ANKRD33B: variants seen among roughly 807,000 people sequenced by gnomAD.
ANKRD33B encodes ankyrin repeat domain-containing protein 33B.
In ANKRD33B, 6 loss-of-function variants were observed where a neutral mutation model predicts 21.5. The ratio of observed to expected loss-of-function variants is 0.28; its 90% CI spans 0.15 to 0.55. ANKRD33B has a LOEUF of 0.55. Among genes scored for constraint, ANKRD33B ranks in the 20% least tolerant of loss-of-function variants. The pLI is 0.94. For missense variants in ANKRD33B, 698 were observed against 747.2 expected (o/e 0.93, Z 0.77); for synonymous variants, 347 against 342.4 (o/e 1.01, Z -0.15).
At chr5:10,600,636 T>C (rs1162824917) in intron 1 of ANKRD33B, among the ~76,000 whole-genome samples, 4 of 152,256 alleles carry the variant, frequency 2.6e-5, no homozygotes, top group Non-Finnish European at 5.9e-5. Context: ...CTTGTATACA[T>C]CTTCATGTGG....
At chr5:10,589,053 C>T (rs1735627608) in intron 1 of ANKRD33B, among the ~76,000 whole-genome samples, 1 of 152,110 alleles carries the variant, frequency 6.6e-6, no homozygotes, top group South Asian at 2.1e-4. Flanking sequence ...GACCCCATAC[C>T]CTGAGCTGCT....
rs192267685 is a variant in ANKRD33B, at chr5:10,642,927, C to T, written c.637+4759C>T. ...TGCTTTGTTTTGTTTTGTTTTGAGA[C>T]GGAGTCTCACTCTGTCGCCCAGAGT... On this transcript the variant is annotated intron_variant, in intron 3 of 3. Coordinates refer to ENST00000296657, the MANE Select transcript of ANKRD33B (RefSeq NM_001164440.2). 4.6e-3 allele frequency among the ~76,000 whole-genome samples: 695 copies of T among 152,006 alleles called. 2 individuals carry two copies. Among genetic ancestry groups the T allele is most frequent in the African/African-American group, 0.016 (648 of 41,430 alleles).
chr5:10,587,495 G>A (rs1031619711), intron 1 of ANKRD33B, among the ~76,000 whole-genome samples: 20 of 150,472 alleles, frequency 1.3e-4, no homozygotes, highest in African/African-American at 3.9e-4. Context: ...TCTTTTACTC[G>A]GACAACATTG....
chr5:10,596,051 G>A (rs1238139770), intron 1 of ANKRD33B, among the ~76,000 whole-genome samples: 1 of 152,284 alleles, frequency 6.6e-6, no homozygotes, highest in Admixed American at 6.5e-5. Flanking sequence ...GGCATAAGCC[G>A]AACAGATTGT....
chr5:10,580,925 T>G (rs369428459), intron 1 of ANKRD33B, among the ~76,000 whole-genome samples: 2 of 152,264 alleles, frequency 1.3e-5, no homozygotes, highest in African/African-American at 4.8e-5. Context: ...CCAAACTCAC[T>G]TGGCAGTGGG....
chr5:10,568,782 G>T (rs746333176), intron 1 of ANKRD33B, among the ~76,000 whole-genome samples: 11 of 152,296 alleles, frequency 7.2e-5, no homozygotes, highest in Non-Finnish European at 8.8e-5. Flanking sequence ...TGATCCTCTT[G>T]CTTGGCCTCT....
At chr5:10,569,222 T>C (rs539406182) in intron 1 of ANKRD33B, among the ~76,000 whole-genome samples, 3 of 152,264 alleles carry the variant, frequency 2.0e-5, no homozygotes, top group African/African-American at 7.2e-5. Flanking sequence ...TGGTTCTTGT[T>C]AGTTACCATA....
chr5:10,643,848 T>C (rs1326955997), intron 3 of ANKRD33B, among the ~76,000 whole-genome samples: 5 of 144,988 alleles, frequency 3.4e-5, no homozygotes, highest in African/African-American at 1.3e-4. Flanking sequence ...AAAAGAGAAG[T>C]GACATCTTGT....
intron 1 of ANKRD33B, among the ~76,000 whole-genome samples, chr5:10,569,286 C>T: frequency 6.6e-6 from 1 of 152,292 alleles, no homozygotes; most frequent in African/African-American, 2.4e-5. Context: ...CCTGCAAGCA[C>T]AAGCTTTGCT....
At chr5:10,637,457 C>T (rs1449055737) in intron 2 of ANKRD33B, among the ~76,000 whole-genome samples, 2 of 147,576 alleles carry the variant, frequency 1.4e-5, no homozygotes, top group African/African-American at 5.1e-5. Flanking sequence ...CACACACACA[C>T]ACACACGGCG....
Position 10,619,208 on chromosome 5 carries a change from T to C in ANKRD33B, c.496+746T>C, listed in dbSNP as rs1736357189. 1 of 684,242 alleles carries C rather than the reference T, an allele frequency of 1.5e-6. No individual in the cohort carries two copies. Among genetic ancestry groups the C allele is most frequent in the African/African-American group, 2.0e-5 (1 of 51,236 alleles). The allele number at this position is 684,242 out of a possible 1,614,324, so 42.4% of individuals were successfully genotyped here. ...CATTTCTTTGCCTCCAAAGATTCTG[T>C]CTGTTTCATCGGTCAAGTTCTCAGT... On this transcript the variant is annotated intron_variant, in intron 2 of 3. Coordinates refer to ENST00000296657, the MANE Select transcript of ANKRD33B (RefSeq NM_001164440.2). The surrounding 1 kb of genome is among the most constrained non-coding windows in gnomAD (Gnocchi z 4.5).
At chr5:10,632,582 C>T (rs1736751403) in intron 2 of ANKRD33B, among the ~76,000 whole-genome samples, 1 of 152,290 alleles carries the variant, frequency 6.6e-6, no homozygotes, top group South Asian at 2.1e-4. Flanking sequence ...TCTCCCTCCT[C>T]CTGCCCGGGG....
chr5:10,638,518 G>A (rs1483155595), intron 3 of ANKRD33B, among the ~76,000 whole-genome samples: 1 of 152,256 alleles, frequency 6.6e-6, no homozygotes, highest in African/African-American at 2.4e-5. Flanking sequence ...TGGCAAGACT[G>A]TGCTGTTGAA....
intron 1 of ANKRD33B, among the ~76,000 whole-genome samples, chr5:10,606,692 C>T (rs1403331493): frequency 6.6e-6 from 1 of 151,328 alleles, no homozygotes; most frequent in African/African-American, 2.4e-5. Flanking sequence ...TGAGATCGTG[C>T]CACTGCACTC....
intron 1 of ANKRD33B, 136 bp downstream of exon 1, chr5:10,564,969 T>C: frequency 5.5e-6 from 7 of 1,263,474 alleles, no homozygotes; most frequent in Non-Finnish European, 7.4e-6. Context: ...GAGCGCCTTT[T>C]CCCCGCTGTT....
intron 1 of ANKRD33B, among the ~76,000 whole-genome samples, chr5:10,602,196 G>A (rs1440484769): frequency 6.6e-6 from 1 of 152,200 alleles, no homozygotes; most frequent in Non-Finnish European, 1.5e-5. Context: ...TGTCCATCCC[G>A]GGGCCTCACC....
intron 1 of ANKRD33B, among the ~76,000 whole-genome samples, chr5:10,604,727 A>G (rs966927518): frequency 2.6e-5 from 4 of 152,080 alleles, no homozygotes; most frequent in African/African-American, 9.7e-5. Flanking sequence ...ACATATATTC[A>G]ACTTTAATGA....
rs374123692 is a variant in ANKRD33B, at chr5:10,638,095, G to A, written c.564G>A (p.Ala188=). ...FPGLDLERRN[A]FGFTALMKAA... ...GTCTTGACCTTGAAAGGAGGAACGC[G>A]TTCGGGTTCACCGCCCTGATGAAAG... Residue 188 remains alanine (A), a synonymous_variant, in exon 3 of 4, where the codon GCG becomes GCA. Coordinates refer to ENST00000296657, the MANE Select transcript of ANKRD33B (RefSeq NM_001164440.2). 14 of 1,537,542 alleles carry A rather than the reference G, an allele frequency of 9.1e-6. 1 individual carries two copies. Among genetic ancestry groups the A allele is most frequent in the South Asian group, 4.8e-5 (4 of 84,064 alleles).
chr5:10,632,272 G>C (rs1297998591), intron 2 of ANKRD33B, among the ~76,000 whole-genome samples: 2 of 152,152 alleles, frequency 1.3e-5, no homozygotes, highest in Non-Finnish European at 2.9e-5. Flanking sequence ...GAGTCATCCA[G>C]GAGAGGGGTT....
Sources: allele counts gnomAD v4.1 joint callset (sites outside exome capture counted in the v4.1 genomes callset), GRCh38; gene constraint gnomAD v4.1.1; non-coding constraint Gnocchi (gnomAD v3.1); transcripts MANE v1.5; gene names NCBI Gene and HGNC (gene_info 2026-07-23, HGNC 2026-07-21).